FER: variants seen among roughly 807,000 people sequenced by gnomAD.
FER encodes the protein FER tyrosine kinase.
FER carries 63 observed loss-of-function variants against 111.0 expected under a neutral mutation model. The observed-to-expected ratio is 0.57, with a 90% confidence interval of 0.46 to 0.70. The LOEUF is 0.70. FER is among the 30% of genes least tolerant of loss of function. The pLI, the probability that FER is intolerant of heterozygous loss-of-function variation, is 0.00. For missense variants in FER, 914 were observed against 954.0 expected, an observed-to-expected ratio of 0.96 and a Z score of 0.55; for synonymous variants, 327 against 313.9, an observed-to-expected ratio of 1.04 and a Z score of -0.44.
intron 1 of FER, among the ~76,000 whole-genome samples, chr5:108,755,720 A>G (rs953508966): frequency 1.3e-5 from 2 of 151,686 alleles, no homozygotes; most frequent in African/African-American, 4.8e-5. Flanking sequence ...TCCTGACCTC[A>G]GGTGATCCAC....
At position 108,980,155 on chromosome 5, in the gene FER, T is replaced by A. The variant is rs1285607764; in HGVS notation, c.1656+20808T>A. 2.0e-5 allele frequency among the ~76,000 whole-genome samples: 3 copies of A among 151,926 alleles called. No individual in the cohort carries two copies. In the South Asian group the frequency reaches 6.2e-4, roughly 32 times the overall value. ...AACAACATAAAAAACAAAATCAAAT[T>A]TTTTTCTTTCTGTGAGTGAGATCAA... On this transcript the variant is annotated intron_variant, in intron 13 of 19. Coordinates refer to ENST00000281092, the MANE Select transcript of FER (RefSeq NM_005246.4).
intron 2 of FER, among the ~76,000 whole-genome samples, chr5:108,792,897 T>G (rs554963933): frequency 1.3e-5 from 2 of 152,238 alleles, no homozygotes; most frequent in East Asian, 3.9e-4. Flanking sequence ...TGTGGATACA[T>G]AGTAGGTATA....
chr5:108,972,315 C>T (rs1162562628), intron 13 of FER, among the ~76,000 whole-genome samples: 2 of 152,086 alleles, frequency 1.3e-5, no homozygotes, highest in Non-Finnish European at 2.9e-5. Context: ...CTGTCTTGGA[C>T]TGGTCTCTTC....
At chr5:109,154,931 T>G (rs1216525278) in intron 17 of FER, among the ~76,000 whole-genome samples, 1 of 151,918 alleles carries the variant, frequency 6.6e-6, no homozygotes, top group Non-Finnish European at 1.5e-5. Flanking sequence ...TGGAATATCT[T>G]TTATGAGTCC....
intron 10 of FER, among the ~76,000 whole-genome samples, chr5:108,921,792 A>G (rs1753051066): frequency 6.6e-6 from 1 of 152,198 alleles, no homozygotes; most frequent in South Asian, 2.1e-4. Context: ...ATCAGAAATC[A>G]AACAGTAGGA....
chr5:108,905,126 T>C (rs1264492390), intron 10 of FER, among the ~76,000 whole-genome samples: 1 of 152,138 alleles, frequency 6.6e-6, no homozygotes, highest in Non-Finnish European at 1.5e-5. Flanking sequence ...TCATTTCATA[T>C]CACGTTAGCC....
chr5:109,184,727 ACTAT>A (rs1039288614), intron 18 of FER, among the ~76,000 whole-genome samples: 3 of 152,226 alleles, frequency 2.0e-5, no homozygotes, highest in African/African-American at 7.2e-5. Context: ...GTCCATAATT[ACTAT>A]CTATCTACTA....
Position 108,749,176 on chromosome 5 carries a change from G to GC in FER, c.-206+1184dup, listed in dbSNP as rs927704996. Among the ~76,000 whole-genome samples, 554 of 151,386 alleles carry GC rather than the reference G, an allele frequency of 3.7e-3. 5 individuals carry two copies. Among genetic ancestry groups the GC allele is most frequent in the African/African-American group, 0.012 (510 of 41,304 alleles). ...GGCTCTTCCTCCGCCCTCAGCCAGC[G>GC]CCCCCCCCAACCCCCGTCCCTGGCT... On this transcript the variant is annotated intron_variant, in intron 1 of 19. Transcript: ENST00000281092.
chr5:108,942,665 C>A (rs1384361736), intron 10 of FER, among the ~76,000 whole-genome samples: 4 of 152,098 alleles, frequency 2.6e-5, no homozygotes, highest in Non-Finnish European at 4.4e-5. Flanking sequence ...TCAGCATTTT[C>A]AAAACCTTAG....
chr5:108,888,321 C>T (rs775570452), intron 9 of FER, among the ~76,000 whole-genome samples: 36 of 151,852 alleles, frequency 2.4e-4, no homozygotes, highest in Admixed American at 7.2e-4. Flanking sequence ...AGGTAAGACA[C>T]GTATGGTCAC....
intron 17 of FER, among the ~76,000 whole-genome samples, chr5:109,115,278 T>C (rs1390141235): frequency 6.6e-6 from 1 of 152,080 alleles, no homozygotes; most frequent in East Asian, 1.9e-4. Context: ...AGGAAAAAGA[T>C]ATAAAATTAA....
At chr5:109,147,772 C>A (rs931922029) in intron 17 of FER, among the ~76,000 whole-genome samples, 2 of 130,598 alleles carry the variant, frequency 1.5e-5, no homozygotes, top group Admixed American at 7.6e-5. Context: ...AACACACACA[C>A]ACACATACAT....
intron 13 of FER, among the ~76,000 whole-genome samples, chr5:109,021,123 C>T (rs749245488): frequency 6.6e-6 from 1 of 152,000 alleles, no homozygotes; most frequent in South Asian, 2.1e-4. Flanking sequence ...ACACCCACCT[C>T]ATGATCAGAT....
intron 13 of FER, among the ~76,000 whole-genome samples, chr5:108,967,386 G>A (rs888850011): frequency 6.6e-5 from 10 of 152,154 alleles, no homozygotes; most frequent in Admixed American, 4.6e-4. Flanking sequence ...CAGAATAGGG[G>A]AGTGTGTGCT....
At chr5:109,084,336 G>C (rs1581956439) in intron 16 of FER, among the ~76,000 whole-genome samples, 1 of 151,646 alleles carries the variant, frequency 6.6e-6, no homozygotes, top group Non-Finnish European at 1.5e-5. Context: ...TTACCTATTT[G>C]TTACTGAATT....
chr5:109,022,896 T>C (rs541742302), intron 13 of FER, among the ~76,000 whole-genome samples: 1 of 152,274 alleles, frequency 6.6e-6, no homozygotes, highest in African/African-American at 2.4e-5. Context: ...CTGCAGGGAC[T>C]AGATTATGCC....
chr5:109,020,823 GTTTAT>G (rs1767823605), intron 13 of FER, among the ~76,000 whole-genome samples: 1 of 151,890 alleles, frequency 6.6e-6, no homozygotes, highest in Admixed American at 6.6e-5. Context: ...AACCTCTTTT[GTTTAT>G]TTTAATTATT....
chr5:109,167,469 T>C (rs1183422852), intron 17 of FER, among the ~76,000 whole-genome samples: 1 of 152,110 alleles, frequency 6.6e-6, no homozygotes, highest in Non-Finnish European at 1.5e-5. Context: ...TAACCAGAAA[T>C]GATCATCTCT....
chr5:108,805,300 G>A (rs1296281526), intron 3 of FER, among the ~76,000 whole-genome samples: 2 of 152,152 alleles, frequency 1.3e-5, no homozygotes, highest in Admixed American at 1.3e-4. Flanking sequence ...CCATGTTTGT[G>A]AGGCCTCCCC....
Sources: gnomAD v4.1 joint callset for allele counts (sites outside exome capture counted in the v4.1 genomes callset) on GRCh38, gnomAD v4.1.1 for gene constraint, MANE v1.5 for transcripts, NCBI Gene and HGNC (gene_info 2026-07-23, HGNC 2026-07-21) for gene names.